The following CA12 variants were observed in gnomAD, a reference collection of about 807,000 sequenced individuals.
The protein encoded by CA12 is carbonic anhydrase 12, also known as carbonate dehydratase XII.
Under a neutral mutation model 46.8 loss-of-function variants are expected in CA12, and 36 were observed. That is an observed-to-expected ratio of 0.77 (90% CI 0.59 to 1.02). The LOEUF is 1.02. Among genes scored for constraint, CA12 ranks in the 50% least tolerant of loss-of-function variants. The pLI, the probability that CA12 is intolerant of heterozygous loss-of-function variation, is 0.00. For missense variants in CA12, 436 were observed against 451.4 expected, an observed-to-expected ratio of 0.97 and a Z score of 0.31; for synonymous variants, 202 against 187.0, an observed-to-expected ratio of 1.08 and a Z score of -0.65.
chr15:63,321,523 C>G lies in CA12; in HGVS notation c.*4762G>C, dbSNP rs1040772907. On this transcript the variant is annotated 3_prime_UTR_variant, in exon 11 of 11. Transcript: ENST00000178638. This position sits in a 1 kb window ranked among gnomAD's most constrained non-coding sequence, Gnocchi z 4.5. ...GCATTGTCGGGCCACATACCTTTCC[C>G]CTCACATCCTGCGACAGCTGAATCC... 6.6e-6 allele frequency: 1 copy of G among 152,288 alleles called. No individual in the cohort carries two copies. The highest frequency in any genetic ancestry group is 1.5e-5 in the Non-Finnish European group (1 of 68,062). 9.4% of individuals were successfully genotyped at this position (152,288 alleles called of 1,614,324 possible). A position where few individuals can be genotyped will look rare whatever the true frequency, so the allele number is the denominator to read the frequency against.
Position 63,348,082 on chromosome 15 carries a change from C to T in CA12, c.107-1373G>A, listed in dbSNP as rs745918581. Among the ~76,000 whole-genome samples, 2 of 152,180 alleles carry T rather than the reference C, an allele frequency of 1.3e-5. No individual in the cohort carries two copies. Among genetic ancestry groups the T allele is most frequent in the African/African-American group, 2.4e-5 (1 of 41,438 alleles). ...CAGGTTCATTTCAAATGCTATGAGG[C>T]GTTGGTCCCAGGCTTAGTTAGTTCT... On this transcript the variant is annotated intron_variant, in intron 2 of 10. Transcript: ENST00000178638. This position sits in a 1 kb window ranked among gnomAD's most constrained non-coding sequence, Gnocchi z 4.6.
chr15:63,374,987 T>C lies in CA12; in HGVS notation c.106+671A>G, dbSNP rs1160198772. ...ACATCCATTCCAGCCAATGACCAAT[T>C]TCTAATTCACTGCAACTCTCCAGCT... On this transcript the variant is annotated intron_variant, in intron 2 of 10. Coordinates refer to ENST00000178638, the MANE Select transcript of CA12 (RefSeq NM_001218.5). The surrounding 1 kb of genome is among the most constrained non-coding windows in gnomAD (Gnocchi z 4.4). Among the ~76,000 whole-genome samples, 2 of 152,162 alleles carry C rather than the reference T, an allele frequency of 1.3e-5. No individual in the cohort carries two copies. The highest frequency in any genetic ancestry group is 1.3e-4 in the Admixed American group (2 of 15,278).
Position 63,340,686 on chromosome 15 carries a change from G to A in CA12, c.589+34C>T. On this transcript the variant is annotated intron_variant, in intron 6 of 10. Transcript: ENST00000178638. The surrounding 1 kb of genome is among the most constrained non-coding windows in gnomAD (Gnocchi z 4.4). ...ACAGGGCTGACTACCTCCTTCTCCA[G>A]CAGAGAGTGAATATGCATGCAAGGA... The A allele has an allele frequency of 1.2e-6, 2 of 1,600,112 alleles. No individual in the cohort carries two copies. Among genetic ancestry groups the A allele is most frequent in the Non-Finnish European group, 1.7e-6 (2 of 1,167,254 alleles).
At chr15:63,367,543 C>T (rs192472984) in intron 2 of CA12, among the ~76,000 whole-genome samples, 7 of 152,298 alleles carry the variant, frequency 4.6e-5, no homozygotes, top group Admixed American at 1.3e-4. Flanking sequence ...TTTGCAGAGC[C>T]CTGTGTCCTA....
Position 63,331,263 on chromosome 15 carries a change from A to AGCCTG in CA12, c.875-3134_875-3133insCAGGC. Among the ~76,000 whole-genome samples, 1 of 152,322 alleles carries AGCCTG rather than the reference A, an allele frequency of 6.6e-6. No homozygotes were observed. The highest frequency in any genetic ancestry group is 1.9e-4 in the East Asian group (1 of 5,184). On this transcript the variant is annotated intron_variant, in intron 8 of 10. Coordinates refer to ENST00000178638, the MANE Select transcript of CA12 (RefSeq NM_001218.5). This position sits in a 1 kb window ranked among gnomAD's most constrained non-coding sequence, Gnocchi z 5.3. ...ACTGTCAGGGCAACCAGAGAACTAG[A>AGCCTG]ACCTGAGTGCGAAGCCAAAGCCTGT...
intron 2 of CA12, among the ~76,000 whole-genome samples, chr15:63,365,910 G>A (rs980945950): frequency 6.6e-6 from 1 of 152,120 alleles, no homozygotes; most frequent in Non-Finnish European, 1.5e-5. Context: ...AGGGCAAGGC[G>A]GGGAGATCAC....
At chr15:63,357,584 G>T (rs1020271693) in intron 2 of CA12, among the ~76,000 whole-genome samples, 24 of 152,168 alleles carry the variant, frequency 1.6e-4, no homozygotes, top group African/African-American at 5.8e-4. Context: ...CACACTGAAG[G>T]CCTTGTGGTT....
At chr15:63,343,313 C>T (rs537855810) in intron 4 of CA12, among the ~76,000 whole-genome samples, 20 of 109,192 alleles carry the variant, frequency 1.8e-4, no homozygotes, top group South Asian at 6.0e-4. Flanking sequence ...TGGAGTTTCG[C>T]TCTTGTTGCC....
At chr15:63,381,294 C>G (rs2152629521) in intron 1 of CA12, among the ~76,000 whole-genome samples, 1 of 152,338 alleles carries the variant, frequency 6.6e-6, no homozygotes, top group East Asian at 1.9e-4. Flanking sequence ...CATGTCTCTA[C>G]TTTCTAAACG....
chr15:63,365,640 A>G (rs1217454937), intron 2 of CA12, among the ~76,000 whole-genome samples: 2 of 152,208 alleles, frequency 1.3e-5, no homozygotes, highest in Non-Finnish European at 2.9e-5. Flanking sequence ...GGCAATTGCA[A>G]TGTTGGGTAT....
Position 63,326,143 on chromosome 15 carries a change from C to T in CA12, c.*142G>A, listed in dbSNP as rs888028360. On this transcript the variant is annotated 3_prime_UTR_variant, in exon 11 of 11. Transcript: ENST00000178638. The stretch of plus-strand genomic sequence containing the variant: ...CATGGTCCCAAGGCAAGGAGGCACC[C>T]AGCAGAGGATCCCTGAGGCCTGGCA... The T allele has an allele frequency of 1.4e-6, 1 of 717,410 alleles. No individual in the cohort carries two copies. Among genetic ancestry groups the T allele is most frequent in the Non-Finnish European group, 2.5e-6 (1 of 398,462 alleles). The allele number at this position is 717,410 out of a possible 1,614,324, so 44.4% of individuals were successfully genotyped here.
At position 63,325,823 on chromosome 15, in the gene CA12, C is replaced by A; in HGVS notation, c.*462G>T. The A allele has an allele frequency of 4.7e-6, 1 of 211,548 alleles. No homozygotes were observed. Among genetic ancestry groups the A allele is most frequent in the South Asian group, 8.5e-5 (1 of 11,764 alleles). 13.1% of individuals were successfully genotyped at this position (211,548 alleles called of 1,614,324 possible). On this transcript the variant is annotated 3_prime_UTR_variant, in exon 11 of 11. Transcript: ENST00000178638. This position sits in a 1 kb window ranked among gnomAD's most constrained non-coding sequence, Gnocchi z 4.9. ...AGAAGGAAATCAGAGGGAGATGCCC[C>A]GTCTCCAGAGGAAAGAAGTTGAGTT...
rs10623502 is a variant in CA12 at position 63,376,600 on chromosome 15, T to TTCTTTCTTTCTTTCTC, written c.86-923_86-922insGAGAAAGAAAGAAAGA. Among the ~76,000 whole-genome samples, 254 of 134,194 alleles carry TTCTTTCTTTCTTTCTC rather than the reference T, an allele frequency of 1.9e-3. 1 individual carries two copies. Among genetic ancestry groups the TTCTTTCTTTCTTTCTC allele is most frequent in the African/African-American group, 4.3e-3 (156 of 36,542 alleles). The allele number at this position is 134,194 out of a possible 152,430, so 88.0% of individuals were successfully genotyped here. A position where few individuals can be genotyped will look rare whatever the true frequency, so the allele number is the denominator to read the frequency against. The stretch of plus-strand genomic sequence containing the variant: ...TTTCTTTCTTTCTTTCTTTCTTTCT[T>TTCTTTCTTTCTTTCTC]TCTCTCTCTCTCGCTCTCTCTCTTT... On this transcript the variant is annotated intron_variant, in intron 1 of 10. Coordinates refer to ENST00000178638, the MANE Select transcript of CA12 (RefSeq NM_001218.5).
At chr15:63,353,975 C>T (rs1325207939) in intron 2 of CA12, among the ~76,000 whole-genome samples, 1 of 152,170 alleles carries the variant, frequency 6.6e-6, no homozygotes, top group Non-Finnish European at 1.5e-5. Context: ...TAGTGTGGTT[C>T]CCACAGCATC....
Position 63,381,011 on chromosome 15 carries a change from C to CTGTGTG in CA12, c.85+619_85+624dup, listed in dbSNP as rs66492957. ...TGTTCTAATTACAATCAGAAATATG[C>CTGTGTG]TGTGTGTGTGTGTGTGTGTGTGTGT... On this transcript the variant is annotated intron_variant, in intron 1 of 10. Coordinates refer to ENST00000178638, the MANE Select transcript of CA12 (RefSeq NM_001218.5). Among the ~76,000 whole-genome samples the CTGTGTG allele has an allele frequency of 3.0e-4, 45 of 148,344 alleles. No individual in the cohort carries two copies. The South Asian group carries it at 6.8e-3, about 23-fold the overall frequency.
intron 2 of CA12, among the ~76,000 whole-genome samples, chr15:63,364,188 TG>T (rs560286715): frequency 1.4e-5 from 2 of 145,400 alleles, no homozygotes; most frequent in Non-Finnish European, 3.0e-5. Context: ...AAAAAAAAAG[TG>T]GGGGGGCGGT....
rs1330451995 is a variant in CA12, at chr15:63,338,925, G to T, written c.768C>A (p.Ala256=). 1.9e-6 allele frequency: 3 copies of T among 1,613,922 alleles called. No homozygotes were observed. The highest frequency in any genetic ancestry group is 2.5e-6 in the Non-Finnish European group (3 of 1,180,012). Residue 256 remains alanine (A), a synonymous_variant, in exon 8 of 11, where the codon GCC becomes GCA. Transcript: ENST00000178638. ...GGTCGTCCATGTGTGTGCAGTACAG[G>T]GCTGTCTCCAAAGCCAGCAGCTGAG... ...SQEQLLALET[A]LYCTHMDDPS...
At chr15:63,364,349 A>AAAAAC (rs1555431596) in intron 2 of CA12, among the ~76,000 whole-genome samples, 1 of 150,264 alleles carries the variant, frequency 6.7e-6, no homozygotes, top group East Asian at 1.9e-4. Flanking sequence ...AAAAAAAAAA[A>AAAAAC]AAAAAACAGT....
At position 63,339,220 on chromosome 15, in the gene CA12, T is replaced by C. The variant is rs1341024443; in HGVS notation, c.748-275A>G. On this transcript the variant is annotated intron_variant, in intron 7 of 10. Coordinates refer to ENST00000178638, the MANE Select transcript of CA12 (RefSeq NM_001218.5). The surrounding 1 kb of genome is among the most constrained non-coding windows in gnomAD (Gnocchi z 4.3). ...TTAGTTTCCAATTATACCTGGAATC[T>C]GCCCTGCGTGGAGGGAAACCTGGGG... Among the ~76,000 whole-genome samples the C allele has an allele frequency of 6.7e-6, 1 of 149,146 alleles. No individual in the cohort carries two copies. Among genetic ancestry groups the C allele is most frequent in the Non-Finnish European group, 1.5e-5 (1 of 67,408 alleles).
Sources: allele counts gnomAD v4.1 joint callset (sites outside exome capture counted in the v4.1 genomes callset), GRCh38; gene constraint gnomAD v4.1.1; non-coding constraint Gnocchi (gnomAD v3.1); transcripts MANE v1.5; gene names NCBI Gene and HGNC (gene_info 2026-07-23, HGNC 2026-07-21).